Variants in NRXN1 observed in about 807,000 individuals in gnomAD.
NRXN1 encodes the protein neurexin 1.
Under a neutral mutation model 150.9 loss-of-function variants are expected in NRXN1, and 39 were observed. The observed-to-expected ratio is 0.26, with a 90% CI of 0.20 to 0.34. The LOEUF is 0.34. NRXN1 is among the 10% of genes least tolerant of loss of function. The pLI, the probability that NRXN1 is intolerant of heterozygous loss-of-function variation, is 1.00. For synonymous variants in NRXN1, 924 were observed against 757.0 expected, an observed-to-expected ratio of 1.22 and a Z score of -3.62; for missense variants, 1,815 against 1,949.9, an observed-to-expected ratio of 0.93 and a Z score of 1.30.
At chr2:51,017,344 T>C (rs1368993188) in intron 2 of NRXN1, among the ~76,000 whole-genome samples, 1 of 150,626 alleles carries the variant, frequency 6.6e-6, no homozygotes, top group African/African-American at 2.5e-5. Context: ...TTTTTTTTTT[T>C]TTCTTTTAAG....
intron 2 of NRXN1, among the ~76,000 whole-genome samples, chr2:50,947,073 T>C (rs545360129): frequency 6.6e-6 from 1 of 152,260 alleles, no homozygotes; most frequent in East Asian, 1.9e-4. Context: ...TTTCTCTTAA[T>C]TCCAAATGTT....
chr2:50,449,962 T>C (rs2086809342), intron 17 of NRXN1, among the ~76,000 whole-genome samples: 1 of 152,208 alleles, frequency 6.6e-6, no homozygotes, highest in South Asian at 2.1e-4. Flanking sequence ...AACTTGTCTA[T>C]GGCCACACAG....
intron 17 of NRXN1, among the ~76,000 whole-genome samples, chr2:50,357,794 G>C (rs747609750): frequency 9.2e-5 from 14 of 152,146 alleles, no homozygotes; most frequent in Admixed American, 2.6e-4. Context: ...AGGCAAGATG[G>C]CCAAATAGGA....
In NRXN1 at chr2:50,924,207, G is replaced by A. The variant is rs185514528; in HGVS notation, c.791-1520C>T. On this transcript the variant is annotated intron_variant, in intron 3 of 22. Transcript: ENST00000401669. ...AGAAAATATATTAGGTACTTCCAAC[G>A]GTTTTGATGCTACATCAATAAGGAT... 5.3e-5 allele frequency among the ~76,000 whole-genome samples: 8 copies of A among 151,708 alleles called. No homozygotes were observed. In the East Asian group the frequency reaches 1.4e-3, roughly 26 times the overall value.
rs1317953445 is a variant in NRXN1, at chr2:50,925,970, C to G, written c.773-15G>C. ...ATTGTTGTCTTCTGAAAGCACATGA[C>G]AAGGAGGGAGAGAAAAGGAAAAACA... On this transcript the variant is annotated splice_polypyrimidine_tract_variant and intron_variant, in intron 2 of 22. Transcript: ENST00000401669. 2 of 1,569,610 alleles carry G rather than the reference C, an allele frequency of 1.3e-6. No homozygotes were observed. Among genetic ancestry groups the G allele is most frequent in the Admixed American group, 1.9e-5 (1 of 53,820 alleles).
chr2:50,949,304 T>G (rs1353129324), intron 2 of NRXN1, among the ~76,000 whole-genome samples: 1 of 152,028 alleles, frequency 6.6e-6, no homozygotes, highest in Non-Finnish European at 1.5e-5. Flanking sequence ...AGGATGAAAG[T>G]GTTGCTGGTT....
chr2:50,515,796 T>C (rs1348045162), intron 12 of NRXN1, among the ~76,000 whole-genome samples: 1 of 152,062 alleles, frequency 6.6e-6, no homozygotes, highest in Non-Finnish European at 1.5e-5. Context: ...AGCCTTGTCA[T>C]TGTGACAATG....
chr2:50,289,305 G>T (rs2072601124), intron 17 of NRXN1, among the ~76,000 whole-genome samples: 1 of 152,104 alleles, frequency 6.6e-6, no homozygotes, highest in African/African-American at 2.4e-5. Context: ...GTAGCTGTTA[G>T]GTGCCCTTCT....
At chr2:50,209,343 A>G (rs1211283725) in intron 18 of NRXN1, among the ~76,000 whole-genome samples, 6 of 152,162 alleles carry the variant, frequency 3.9e-5, no homozygotes, top group Non-Finnish European at 8.8e-5. Context: ...TAAAATAATA[A>G]CAGTTACCAT....
intron 19 of NRXN1, among the ~76,000 whole-genome samples, chr2:50,085,339 GTTAT>G (rs1284067211): frequency 6.6e-6 from 1 of 151,956 alleles, no homozygotes; most frequent in African/African-American, 2.4e-5. Flanking sequence ...CTCAAAATTG[GTTAT>G]TTAAACAATA....
chr2:50,199,034 C>T (rs543287227), intron 18 of NRXN1: 1 of 152,264 alleles, frequency 6.6e-6, no homozygotes, highest in South Asian at 2.1e-4. Flanking sequence ...AGCTGAGGAC[C>T]TGATCAAGTG....
At chr2:50,164,771 C>T (rs550474815) in intron 18 of NRXN1, among the ~76,000 whole-genome samples, 2 of 152,226 alleles carry the variant, frequency 1.3e-5, no homozygotes, top group Admixed American at 6.5e-5. Flanking sequence ...AAAGAGACAA[C>T]GCATTCTTAA....
intron 2 of NRXN1, among the ~76,000 whole-genome samples, chr2:50,980,790 C>A (rs901922030): frequency 2.0e-5 from 3 of 152,062 alleles, no homozygotes; most frequent in African/African-American, 7.2e-5. Context: ...GAGAGTTTTC[C>A]TGCCTTTTGT....
intron 2 of NRXN1, among the ~76,000 whole-genome samples, chr2:50,946,339 A>G (rs756708444): frequency 5.3e-5 from 8 of 152,184 alleles, no homozygotes; most frequent in Admixed American, 2.0e-4. Flanking sequence ...AGAGGCTCAC[A>G]GTGAATTATT....
chr2:50,771,572 C>G (rs1446161726), intron 5 of NRXN1, among the ~76,000 whole-genome samples: 3 of 151,860 alleles, frequency 2.0e-5, no homozygotes, highest in African/African-American at 7.3e-5. Context: ...AAGAAACAAG[C>G]AAAAACACAG....
At chr2:50,589,330 T>C (rs1198813865) in intron 8 of NRXN1, 1 of 152,310 alleles carries the variant, frequency 6.6e-6, no homozygotes, top group South Asian at 2.1e-4. Flanking sequence ...ACCTGCTAGA[T>C]GCAGGGAGAA....
At chr2:50,695,453 G>A (rs190002236) in intron 5 of NRXN1, among the ~76,000 whole-genome samples, 21 of 152,118 alleles carry the variant, frequency 1.4e-4, no homozygotes, top group Non-Finnish European at 2.5e-4. Context: ...TAGATCCTGG[G>A]TTCTATTAAC....
intron 21 of NRXN1, among the ~76,000 whole-genome samples, chr2:50,006,510 T>G (rs1386995032): frequency 6.6e-6 from 1 of 152,158 alleles, no homozygotes; most frequent in Non-Finnish European, 1.5e-5. Flanking sequence ...TTATACTCAT[T>G]CTGCATGCCA....
chr2:50,032,017 G>A (rs1475564153), intron 21 of NRXN1, among the ~76,000 whole-genome samples: 1 of 151,780 alleles, frequency 6.6e-6, no homozygotes, highest in African/African-American at 2.4e-5. Flanking sequence ...TGTAACAGAT[G>A]GAATGTATTA....
Sources: allele counts gnomAD v4.1 joint callset (sites outside exome capture counted in the v4.1 genomes callset), GRCh38; gene constraint gnomAD v4.1.1; transcripts MANE v1.5; gene names NCBI Gene and HGNC (gene_info 2026-07-23, HGNC 2026-07-21).